VTI1A: variants seen among roughly 807,000 people sequenced by gnomAD.
The protein encoded by VTI1A is vesicle transport through interaction with t-SNAREs homolog 1A.
In VTI1A, 22 loss-of-function variants were observed where a neutral mutation model predicts 34.9. That is an observed-to-expected ratio of 0.63 (90% CI 0.45 to 0.90). VTI1A has a LOEUF of 0.90. Ranked by LOEUF, VTI1A falls within the 40% of genes least tolerant of loss-of-function variation. VTI1A has a pLI of 0.00. For synonymous variants in VTI1A, 87 were observed against 97.3 expected (o/e 0.89, Z 0.62); for missense variants, 268 against 275.6 (o/e 0.97, Z 0.20).
intron 5 of VTI1A, among the ~76,000 whole-genome samples, chr10:112,598,924 G>A (rs1844775346): frequency 6.6e-6 from 1 of 152,170 alleles, no homozygotes. Flanking sequence ...TGAGAGGAGA[G>A]AGTCAATCTG....
chr10:112,490,875 T>C (rs1174724591), intron 3 of VTI1A, among the ~76,000 whole-genome samples: 1 of 152,188 alleles, frequency 6.6e-6, no homozygotes, highest in Non-Finnish European at 1.5e-5. Context: ...CTCTAGCTGC[T>C]ATGCATATAG....
intron 7 of VTI1A, among the ~76,000 whole-genome samples, chr10:112,738,194 G>A (rs1339185024): frequency 6.6e-6 from 1 of 152,132 alleles, no homozygotes; most frequent in African/African-American, 2.4e-5. Context: ...ATGTAAAGTG[G>A]CACCATCCCT....
chr10:112,612,386 T>G (rs562313938), intron 5 of VTI1A, among the ~76,000 whole-genome samples: 6 of 152,294 alleles, frequency 3.9e-5, no homozygotes, highest in African/African-American at 1.4e-4. Context: ...AGTCATACTA[T>G]AATAAAAAGA....
At chr10:112,458,779 G>A (rs1223980937) in intron 1 of VTI1A, among the ~76,000 whole-genome samples, 1 of 151,798 alleles carries the variant, frequency 6.6e-6, no homozygotes, top group African/African-American at 2.4e-5. Context: ...CAATTCTCCT[G>A]CCTCAGCCTC....
chr10:112,462,317 A>T (rs1279396370), intron 2 of VTI1A, among the ~76,000 whole-genome samples: 1 of 152,250 alleles, frequency 6.6e-6, no homozygotes, highest in Admixed American at 6.5e-5. Flanking sequence ...TGTTGTGACA[A>T]CATGGAACAA....
intron 5 of VTI1A, among the ~76,000 whole-genome samples, chr10:112,596,300 C>G (rs1251373536): frequency 1.1e-5 from 1 of 92,162 alleles, no homozygotes; most frequent in Non-Finnish European, 2.1e-5. Context: ...TACCCTAAAA[C>G]TTAAAATATA....
At chr10:112,679,628 A>G (rs1848150087) in intron 7 of VTI1A, among the ~76,000 whole-genome samples, 1 of 152,130 alleles carries the variant, frequency 6.6e-6, no homozygotes. Flanking sequence ...CCACAATTTT[A>G]AAAAGAGGAT....
chr10:112,569,564 A>C (rs1009984417), intron 5 of VTI1A, among the ~76,000 whole-genome samples: 1 of 152,230 alleles, frequency 6.6e-6, no homozygotes, highest in South Asian at 2.1e-4. Flanking sequence ...CATGGAGCCA[A>C]CTGCCAAAGC....
intron 7 of VTI1A, among the ~76,000 whole-genome samples, chr10:112,799,943 A>T: frequency 6.6e-6 from 1 of 151,992 alleles, no homozygotes; most frequent in East Asian, 1.9e-4. Context: ...AGAGAGAGAG[A>T]GAGTTCTGAT....
chr10:112,686,421 G>GATTTTTAAAATTTTAAA (rs1315302915), intron 7 of VTI1A, among the ~76,000 whole-genome samples: 2 of 152,160 alleles, frequency 1.3e-5, no homozygotes, highest in Non-Finnish European at 1.5e-5. Context: ...GAAGCTGAGT[G>GATTTTTAAAATTTTAAA]ATTTTTAAAA....
At chr10:112,765,572 A>G (rs1215986636) in intron 7 of VTI1A, among the ~76,000 whole-genome samples, 3 of 152,238 alleles carry the variant, frequency 2.0e-5, no homozygotes, top group Admixed American at 6.5e-5. Flanking sequence ...TTGAGCACCA[A>G]TTACATGCTA....
chr10:112,453,669 CT>C lies in VTI1A; in HGVS notation c.94+6206del, dbSNP rs1589782196. Among the ~76,000 whole-genome samples, 3 of 151,578 alleles carry C rather than the reference CT, an allele frequency of 2.0e-5. No homozygotes were observed. The East Asian group carries it at 5.8e-4, about 29-fold the overall frequency. The stretch of plus-strand genomic sequence containing the variant: ...ATACCCCCATCATTTTGGCTTTTTT[CT>C]TTTCTTTTTTTTAAGGACTATATTG... On this transcript the variant is annotated intron_variant, in intron 1 of 7. Transcript: ENST00000393077.
chr10:112,626,969 G>A (rs10787454), intron 5 of VTI1A, among the ~76,000 whole-genome samples: 81,414 of 152,026 alleles, frequency 0.54, 22,144 homozygotes, highest in Admixed American at 0.64. Flanking sequence ...AACACAGCTT[G>A]CTGAAATATT....
intron 7 of VTI1A, among the ~76,000 whole-genome samples, chr10:112,774,980 G>A (rs889958469): frequency 3.3e-5 from 5 of 152,150 alleles, no homozygotes; most frequent in Admixed American, 3.3e-4. Flanking sequence ...TTCGACGCCT[G>A]AGAACAATGA....
the VTI1A span, among the ~76,000 whole-genome samples, chr10:112,830,563 A>C: frequency 6.6e-6 from 1 of 150,720 alleles, no homozygotes; most frequent in East Asian, 2.0e-4. Flanking sequence ...TACATACTCA[A>C]GTATTTATTC....
chr10:112,447,214 C>T, upstream of VTI1A: 1 of 657,820 alleles, frequency 1.5e-6, no homozygotes, highest in Non-Finnish European at 2.5e-6. Context: ...GAGATTGCGA[C>T]GAACAACCAG....
intron 7 of VTI1A, among the ~76,000 whole-genome samples, chr10:112,675,782 TG>T (rs974036031): frequency 4.5e-4 from 68 of 152,334 alleles, no homozygotes; most frequent in African/African-American, 1.6e-3. Context: ...GAAATTTCTA[TG>T]TATACGTCCA....
At chr10:112,533,536 A>ATGG in intron 4 of VTI1A, 2 of 1,012,408 alleles carry the variant, frequency 2.0e-6, no homozygotes, top group Non-Finnish European at 2.4e-6. Flanking sequence ...GCAGTTGATA[A>ATGG]AATTACGTGA....
rs72824017 is a variant in VTI1A, at chr10:112,665,017, A to G, written c.428-3201A>G. On this transcript the variant is annotated intron_variant, in intron 5 of 7. Transcript: ENST00000393077. The stretch of plus-strand genomic sequence containing the variant: ...CTCAAATTATTTCAAGAGCAGCAGT[A>G]TGGCTGTTCCATTCTTAAGGCCCTA... Among the ~76,000 whole-genome samples, 573 of 152,338 alleles carry G rather than the reference A, an allele frequency of 3.8e-3. 5 individuals carry two copies. The highest frequency in any genetic ancestry group is 6.8e-3 in the Middle Eastern group (2 of 294).
Sources: gnomAD v4.1 joint callset for allele counts (sites outside exome capture counted in the v4.1 genomes callset) on GRCh38, gnomAD v4.1.1 for gene constraint, MANE v1.5 for transcripts, NCBI Gene and HGNC (gene_info 2026-07-23, HGNC 2026-07-21) for gene names.